NLRP5: variants seen among roughly 807,000 people sequenced by gnomAD.
NLRP5 encodes NACHT, LRR and PYD domains-containing protein 5.
Under a neutral mutation model 113.1 loss-of-function variants are expected in NLRP5, and 93 were observed. The observed-to-expected ratio is 0.82, with a 90% CI of 0.70 to 0.98. The LOEUF (loss-of-function observed/expected upper bound fraction) is 0.98. Among genes scored for constraint, NLRP5 ranks in the 50% least tolerant of loss-of-function variants. The pLI is 0.00. For missense variants in NLRP5, 1,808 were observed against 1,514.3 expected, an observed-to-expected ratio of 1.19 and a Z score of -3.22; for synonymous variants, 751 against 600.7, an observed-to-expected ratio of 1.25 and a Z score of -3.66.
chr19:56,037,033 A>G (rs1242692502), intron 9 of NLRP5, among the ~76,000 whole-genome samples: 5 of 152,178 alleles, frequency 3.3e-5, no homozygotes, highest in Admixed American at 3.3e-4. Context: ...TTTCGTGGCT[A>G]TTCTAATATT....
At chr19:56,008,713 G>A (rs1251183371) in intron 2 of NLRP5, 75 bp from the exon 3 acceptor site, 6 of 1,315,438 alleles carry the variant, frequency 4.6e-6, no homozygotes, top group African/African-American at 1.5e-5. Context: ...TTTGGACACG[G>A]GACATTCTTA....
Position 56,028,502 on chromosome 19 carries a change from C to T in NLRP5, c.2269C>T (p.Pro757Ser), listed in dbSNP as rs866667224. 3 of 1,612,798 alleles carry T rather than the reference C, an allele frequency of 1.9e-6. No homozygotes were observed. Among genetic ancestry groups the T allele is most frequent in the South Asian group, 1.1e-5 (1 of 90,966 alleles). Residue 757 changes from proline to serine, a missense_variant, in exon 7 of 15, where the codon CCT becomes TCT. Physicochemically the swap from Pro to Ser is moderately conservative, Grantham distance 74 (BLOSUM62 -1). Transcript: ENST00000390649. Reference sequence around the variant, plus strand: ...GTCCGCTGAGGCATGTCCTGTGGTCCCTCTATGGTGAGTACCCCAGGCAGT... The same window carrying T: ...GTCCGCTGAGGCATGTCCTGTGGTCTCTCTATGGTGAGTACCCCAGGCAGT...
chr19:55,998,714 G>GTATATATATATATATGTGTA (rs1555762454), upstream of NLRP5, among the ~76,000 whole-genome samples: 142 of 75,866 alleles, frequency 1.9e-3, no homozygotes, highest in African/African-American at 6.9e-3. Context: ...GTGTGTGTGT[G>GTATATATATATATATGTGTA]TATATATATA....
At chr19:56,059,519 T>C (rs1464859721) in intron 14 of NLRP5, among the ~76,000 whole-genome samples, 1 of 151,986 alleles carries the variant, frequency 6.6e-6, no homozygotes, top group East Asian at 1.9e-4. Context: ...TTGAGGTTGG[T>C]TGTGGTATAT....
chr19:55,999,834 T>A, intron 1 of NLRP5: 1 of 1,424,570 alleles, frequency 7.0e-7, no homozygotes. Context: ...ACCCTCAGCC[T>A]TGGTACCATG....
At chr19:56,056,107 T>G (rs1352222630) in intron 13 of NLRP5, among the ~76,000 whole-genome samples, 1 of 152,134 alleles carries the variant, frequency 6.6e-6, no homozygotes, top group Non-Finnish European at 1.5e-5. Flanking sequence ...AACAATTCAT[T>G]CCCTGGAGAC....
At chr19:56,019,193 C>T in intron 4 of NLRP5, 149 bp from the exon 5 acceptor site, 1 of 803,354 alleles carries the variant, frequency 1.2e-6, no homozygotes, top group Non-Finnish European at 2.0e-6. Context: ...TGTACCAGTG[C>T]ACTCTGTCTT....
At chr19:56,059,142 C>T (rs1232573548) in intron 14 of NLRP5, among the ~76,000 whole-genome samples, 1 of 152,142 alleles carries the variant, frequency 6.6e-6, no homozygotes, top group African/African-American at 2.4e-5. Context: ...GCTTGCACAG[C>T]CGTGTGAATG....
chr19:55,998,159 T>C (rs1233454360), upstream of NLRP5, among the ~76,000 whole-genome samples: 1 of 152,124 alleles, frequency 6.6e-6, no homozygotes, highest in Non-Finnish European at 1.5e-5. Flanking sequence ...ATTAGATTTA[T>C]CTTATCTCAG....
intron 2 of NLRP5, 135 bp from the exon 3 acceptor site, chr19:56,008,653 A>T (rs560611213): frequency 1.3e-6 from 1 of 746,706 alleles, no homozygotes; most frequent in African/African-American, 1.7e-5. Context: ...TTATAGGCCA[A>T]TCATGGAATA....
intron 4 of NLRP5, among the ~76,000 whole-genome samples, chr19:56,016,806 G>A (rs1982419800): frequency 6.6e-6 from 1 of 152,096 alleles, no homozygotes. Flanking sequence ...ATAACCCATT[G>A]TGTATATACA....
Position 56,039,026 on chromosome 19 carries a change from C to T in NLRP5, c.2786+831C>T, listed in dbSNP as rs369550364. ...GGGAGGGGAGGCGAAGCAGCAGCAA[C>T]AGTTACAGCAACCACTATTCAATGC... On this transcript the variant is annotated intron_variant, in intron 10 of 14. Transcript: ENST00000390649. Among the ~76,000 whole-genome samples, 12 of 152,320 alleles carry T rather than the reference C, an allele frequency of 7.9e-5. No homozygotes were observed. In the South Asian group the frequency reaches 1.2e-3, roughly 16 times the overall value.
At chr19:56,054,530 C>T (rs1984054052) in intron 13 of NLRP5, among the ~76,000 whole-genome samples, 1 of 147,568 alleles carries the variant, frequency 6.8e-6, no homozygotes, top group East Asian at 2.0e-4. Context: ...TGCACTCCAG[C>T]TTGGGTGACA....
At chr19:56,058,047 C>T (rs994128463) in intron 13 of NLRP5, among the ~76,000 whole-genome samples, 193 bp from the exon 14 acceptor site, 4 of 139,708 alleles carry the variant, frequency 2.9e-5, no homozygotes, top group South Asian at 2.2e-4. Context: ...AAAAAAAAGG[C>T]GAATATTTGG....
chr19:56,032,414 A>C (rs560647789), intron 7 of NLRP5, among the ~76,000 whole-genome samples, 197 bp from the exon 8 acceptor site: 1 of 151,252 alleles, frequency 6.6e-6, no homozygotes, highest in South Asian at 2.1e-4. Context: ...CCCCTCGGGT[A>C]TCGGTATATC....
intron 11 of NLRP5, among the ~76,000 whole-genome samples, chr19:56,049,683 G>A (rs896820965): frequency 6.6e-5 from 10 of 152,048 alleles, no homozygotes; most frequent in Non-Finnish European, 1.3e-4. Flanking sequence ...CTAAAAATGT[G>A]TCTAAAGTTT....
the NLRP5 span, among the ~76,000 whole-genome samples, chr19:55,989,657 C>T: frequency 6.6e-6 from 1 of 152,176 alleles, no homozygotes; most frequent in African/African-American, 2.4e-5. Context: ...GCTCATCACC[C>T]AAAGACATTC....
the NLRP5 span, among the ~76,000 whole-genome samples, chr19:55,990,862 T>A: frequency 1.3e-5 from 2 of 152,012 alleles, no homozygotes; most frequent in African/African-American, 2.4e-5. Context: ...AGGGTGTCTG[T>A]AATCCCAGCT....
intron 13 of NLRP5, among the ~76,000 whole-genome samples, 195 bp from the exon 14 acceptor site, chr19:56,058,042 AAAG>A (rs889589651): frequency 2.0e-5 from 3 of 151,484 alleles, no homozygotes; most frequent in African/African-American, 4.9e-5. Flanking sequence ...AAAAAAAAAA[AAAG>A]GCGAATATTT....
Sources: allele counts gnomAD v4.1 joint callset (sites outside exome capture counted in the v4.1 genomes callset), GRCh38; gene constraint gnomAD v4.1.1; transcripts MANE v1.5; gene names NCBI Gene and HGNC (gene_info 2026-07-23, HGNC 2026-07-21).